The following PIGF variants were observed in gnomAD, a reference collection of about 807,000 sequenced individuals.
PIGF encodes GPI ethanolamine phosphate transferase, stabilizing subunit.
PIGF carries 23 observed loss-of-function variants against 26.0 expected under a neutral mutation model. That is an observed-to-expected ratio of 0.88 (90% CI 0.64 to 1.25). PIGF has a LOEUF of 1.25. PIGF is among the 50% of genes most tolerant of loss of function. PIGF has a pLI of 0.00. For missense variants in PIGF, 278 were observed against 249.9 expected (o/e 1.11, Z -0.76); for synonymous variants, 93 against 92.6 (o/e 1.00, Z -0.03).
intron 1 of PIGF, chr2:46,615,414 A>T (rs1670585176): frequency 3.1e-6 from 1 of 326,130 alleles, no homozygotes; most frequent in Admixed American, 4.7e-5. Context: ...AAAAGAACAA[A>T]TTTACTAATT....
intron 4 of PIGF, among the ~76,000 whole-genome samples, chr2:46,597,742 A>T (rs34757886): frequency 3.9e-5 from 6 of 151,916 alleles, no homozygotes; most frequent in Non-Finnish European, 4.4e-5. Flanking sequence ...CACTGCTCCA[A>T]TGTTTTCTGA....
rs1007297443 is a variant in PIGF at position 46,588,910 on chromosome 2, CTAT to C, written c.546+3562_546+3564del. Among the ~76,000 whole-genome samples, 1 of 151,988 alleles carries C rather than the reference CTAT, an allele frequency of 6.6e-6. No homozygotes were observed. The highest frequency in any genetic ancestry group is 2.4e-5 in the African/African-American group (1 of 41,388). On this transcript the variant is annotated intron_variant, in intron 5 of 5. Coordinates refer to ENST00000281382, the MANE Select transcript of PIGF (RefSeq NM_002643.4). This position sits in a 1 kb window ranked among gnomAD's most constrained non-coding sequence, Gnocchi z 4.1. ...ATAACAACAAATACTTATTGATTAG[CTAT>C]TTAGTTACAGCAGATAAAGAATCAA...
intron 4 of PIGF, among the ~76,000 whole-genome samples, chr2:46,593,018 C>T (rs1217127406): frequency 1.3e-5 from 2 of 151,928 alleles, no homozygotes; most frequent in Non-Finnish European, 2.9e-5. Flanking sequence ...TATATTTCTT[C>T]AAAACAAAAC....
intron 5 of PIGF, among the ~76,000 whole-genome samples, chr2:46,584,392 G>A (rs1669500669): frequency 6.6e-6 from 1 of 152,112 alleles, no homozygotes; most frequent in African/African-American, 2.4e-5. Context: ...AAAGTATAGG[G>A]AGAATAGTAA....
At position 46,588,246 on chromosome 2, in the gene PIGF, C is replaced by T; in HGVS notation, c.546+4229G>A. 2 of 1,582,662 alleles carry T rather than the reference C, an allele frequency of 1.3e-6. No individual in the cohort carries two copies. The highest frequency in any genetic ancestry group is 1.7e-6 in the Non-Finnish European group (2 of 1,166,532). ...TACCCTAAATTGGCATAACTAAATA[C>T]CAGAGAAATAGATAAATTAACAGTC... On this transcript the variant is annotated intron_variant, in intron 5 of 5. Coordinates refer to ENST00000281382, the MANE Select transcript of PIGF (RefSeq NM_002643.4). The surrounding 1 kb of genome is among the most constrained non-coding windows in gnomAD (Gnocchi z 4.1).
At chr2:46,596,385 T>C (rs7603938) in intron 4 of PIGF, among the ~76,000 whole-genome samples, 206 of 152,292 alleles carry the variant, frequency 1.4e-3, no homozygotes, top group African/African-American at 4.7e-3. Flanking sequence ...TTGCCCTCTA[T>C]TTTGTGGTAG....
At chr2:46,596,416 A>G (rs1415516625) in intron 4 of PIGF, among the ~76,000 whole-genome samples, 1 of 152,098 alleles carries the variant, frequency 6.6e-6, no homozygotes. Context: ...ATGATCCTAC[A>G]TATAATAAAT....
rs1163235560 is a variant in PIGF at position 46,591,374 on chromosome 2, G to A, written c.546+1101C>T. The A allele has an allele frequency of 1.2e-5, 3 of 244,086 alleles. No homozygotes were observed. In the East Asian group the frequency reaches 5.4e-4, roughly 44 times the overall value. 15.1% of individuals were successfully genotyped at this position (244,086 alleles called of 1,614,324 possible). On this transcript the variant is annotated intron_variant, in intron 5 of 5. Transcript: ENST00000281382. ...AGGTTTCCTCTGGGTGGTTGGGGAGGAAAGTAATTTTTACTTTCTTCCTTA... is the reference window on the plus strand; with the variant it reads ...AGGTTTCCTCTGGGTGGTTGGGGAGAAAAGTAATTTTTACTTTCTTCCTTA...
At chr2:46,602,823 A>T (rs970279496) in intron 4 of PIGF, among the ~76,000 whole-genome samples, 1 of 151,886 alleles carries the variant, frequency 6.6e-6, no homozygotes, top group African/African-American at 2.4e-5. Flanking sequence ...TAATAATAGA[A>T]TTCTTTGAAA....
At chr2:46,598,684 A>G (rs1403668901) in intron 4 of PIGF, among the ~76,000 whole-genome samples, 1 of 152,086 alleles carries the variant, frequency 6.6e-6, no homozygotes, top group East Asian at 1.9e-4. Flanking sequence ...TGGAGAGAAG[A>G]GTGGGAATAG....
In PIGF at chr2:46,589,892, T is replaced by C. The variant is rs1348586551; in HGVS notation, c.546+2583A>G. ...TAAAAAGTGAAAAAAAAACCTCATT[T>C]CTTTAGTTTATTAGTAAATAACTGC... On this transcript the variant is annotated intron_variant, in intron 5 of 5. Coordinates refer to ENST00000281382, the MANE Select transcript of PIGF (RefSeq NM_002643.4). The surrounding 1 kb of genome is among the most constrained non-coding windows in gnomAD (Gnocchi z 4.7). Among the ~76,000 whole-genome samples, 1 of 152,066 alleles carries C rather than the reference T, an allele frequency of 6.6e-6. No homozygotes were observed. The highest frequency in any genetic ancestry group is 2.4e-5 in the African/African-American group (1 of 41,444).
In PIGF at chr2:46,581,389, C is replaced by T; in HGVS notation, c.*89G>A. 2.0e-6 allele frequency: 3 copies of T among 1,524,632 alleles called. No homozygotes were observed. The South Asian group carries it at 3.7e-5, about 19-fold the overall frequency. The allele number at this position is 1,524,632 out of a possible 1,614,324, so 94.4% of individuals were successfully genotyped here. A position where few individuals can be genotyped will look rare whatever the true frequency, so the allele number is the denominator to read the frequency against. ...TGTTGTAACTACGTAAAAAACAGAG[C>T]TGTAAATGGAACTGCTTGGCTTTGA... On this transcript the variant is annotated 3_prime_UTR_variant, in exon 6 of 6. Coordinates refer to ENST00000281382, the MANE Select transcript of PIGF (RefSeq NM_002643.4).
intron 4 of PIGF, among the ~76,000 whole-genome samples, chr2:46,598,529 ATTTTTTTTT>A (rs747263045): frequency 9.7e-6 from 1 of 103,528 alleles, no homozygotes; most frequent in African/African-American, 4.5e-5. Flanking sequence ...ACATTATGAG[ATTTTTTTTT>A]TTTTTTTTTT....
rs535914673 is a variant in PIGF at position 46,598,279 on chromosome 2, C to T, written c.438-5696G>A. Among the ~76,000 whole-genome samples, 4 of 151,604 alleles carry T rather than the reference C, an allele frequency of 2.6e-5. 1 individual carries two copies. The highest frequency in any genetic ancestry group is 9.7e-5 in the African/African-American group (4 of 41,430). On this transcript the variant is annotated intron_variant, in intron 4 of 5. Coordinates refer to ENST00000281382, the MANE Select transcript of PIGF (RefSeq NM_002643.4). ...GTCTTTATATACTGCCTCTATTTCCCCTGAGTTTCTTTTTTGTTGTTTTCA... is the reference window on the plus strand; with the variant it reads ...GTCTTTATATACTGCCTCTATTTCCTCTGAGTTTCTTTTTTGTTGTTTTCA...
chr2:46,608,363 C>T lies in PIGF; in HGVS notation c.437+3865G>A, dbSNP rs182356613. 6.6e-5 allele frequency among the ~76,000 whole-genome samples: 10 copies of T among 152,290 alleles called. No homozygotes were observed. The East Asian group carries it at 1.7e-3, about 26-fold the overall frequency. On this transcript the variant is annotated intron_variant, in intron 4 of 5. Coordinates refer to ENST00000281382, the MANE Select transcript of PIGF (RefSeq NM_002643.4). ...TCAGGCTCCTGTTCTAATTCTAGTT[C>T]TCTGGCTATTTCCACCACATCTGCA... is the stretch of plus-strand genomic sequence containing the variant.
intron 4 of PIGF, among the ~76,000 whole-genome samples, chr2:46,606,291 C>A (rs1264517260): frequency 6.6e-6 from 1 of 152,208 alleles, no homozygotes; most frequent in Non-Finnish European, 1.5e-5. Flanking sequence ...CAGTTTCTCA[C>A]ATATCCTTCC....
intron 4 of PIGF, among the ~76,000 whole-genome samples, chr2:46,594,536 ATTT>A (rs5830911): frequency 2.6e-4 from 38 of 145,014 alleles, no homozygotes; most frequent in Admixed American, 6.8e-4. Flanking sequence ...CAGAGTTAGG[ATTT>A]TTTTTTTTTT....
rs372618675 is a variant in PIGF, at chr2:46,593,196, G to A, written c.438-613C>T. On this transcript the variant is annotated intron_variant, in intron 4 of 5. Coordinates refer to ENST00000281382, the MANE Select transcript of PIGF (RefSeq NM_002643.4). Reference sequence around the variant, plus strand: ...TGTCCAGGCTGGAGTGCAATGGAGCGATCTCGGCTCACTGCAACCTCAGCC... The same window carrying A: ...TGTCCAGGCTGGAGTGCAATGGAGCAATCTCGGCTCACTGCAACCTCAGCC... Among the ~76,000 whole-genome samples, 10 of 148,956 alleles carry A rather than the reference G, an allele frequency of 6.7e-5. No homozygotes were observed. The East Asian group carries it at 1.4e-3, about 21-fold the overall frequency.
intron 4 of PIGF, among the ~76,000 whole-genome samples, chr2:46,603,562 C>T (rs946055751): frequency 6.6e-5 from 10 of 151,948 alleles, no homozygotes; most frequent in South Asian, 2.1e-4. Context: ...CATACATCTA[C>T]AGTGAGCTCA....
Sources: gnomAD v4.1 joint callset for allele counts (sites outside exome capture counted in the v4.1 genomes callset) on GRCh38, gnomAD v4.1.1 for gene constraint, Gnocchi (gnomAD v3.1) non-coding constraint, MANE v1.5 for transcripts, NCBI Gene and HGNC (gene_info 2026-07-23, HGNC 2026-07-21) for gene names.